TRAK2: variants seen among roughly 807,000 people sequenced by gnomAD.
The protein encoded by TRAK2 is trafficking kinesin-binding protein 2.
A neutral mutation model predicts 104.6 loss-of-function variants in TRAK2; 81 were observed. The ratio of observed to expected loss-of-function variants is 0.77; its 90% CI spans 0.65 to 0.93. TRAK2 has a LOEUF of 0.93. TRAK2 is among the 40% of genes least tolerant of loss of function. The pLI, the probability that TRAK2 is intolerant of heterozygous loss-of-function variation, is 0.00. For missense variants in TRAK2, 1,002 were observed against 1,089.0 expected (o/e 0.92, Z 1.12); for synonymous variants, 406 against 394.4 (o/e 1.03, Z -0.35).
Position 201,380,746 on chromosome 2 carries a change from T to C in TRAK2, c.2542A>G (p.Lys848Glu). 3.1e-6 allele frequency: 5 copies of C among 1,614,118 alleles called. No individual in the cohort carries two copies. The highest frequency in any genetic ancestry group is 1.7e-4 in the Middle Eastern group (1 of 6,060). The change falls in exon 16 of 16, where the codon AAG becomes GAG. Residue 848 changes from lysine to glutamate, a missense_variant. Coordinates refer to ENST00000332624, the MANE Select transcript of TRAK2 (RefSeq NM_015049.3). ...LKRLGIARVV[K>E]NPGAQENGRC... is the part of the protein sequence containing the mutation. The stretch of plus-strand genomic sequence containing the variant: ...CCATTCTCTTGGGCACCAGGGTTCT[T>C]GACCACTCTGGCTATCCCCAGTCTC...
chr2:201,440,376 G>A (rs1168754217), intron 1 of TRAK2, among the ~76,000 whole-genome samples: 2 of 152,158 alleles, frequency 1.3e-5, no homozygotes, highest in South Asian at 2.1e-4. Flanking sequence ...CCCATAAGGT[G>A]TCTGTTTGAC....
At chr2:201,400,885 C>A in intron 4 of TRAK2, 133 bp downstream of exon 4, 1 of 538,556 alleles carries the variant, frequency 1.9e-6, no homozygotes, top group Non-Finnish European at 3.3e-6. Context: ...GTCAGTTGTT[C>A]CAGTAGCAAC....
intron 1 of TRAK2, among the ~76,000 whole-genome samples, chr2:201,444,629 C>T (rs2125664099): frequency 6.7e-6 from 1 of 150,060 alleles, no homozygotes; most frequent in Non-Finnish European, 1.5e-5. Context: ...TATAATTTCA[C>T]ATAAATTGTA....
At chr2:201,399,575 T>TA (rs374743272) in intron 4 of TRAK2, 82 bp from the exon 5 acceptor site, 18 of 1,024,722 alleles carry the variant, frequency 1.8e-5, no homozygotes, top group Non-Finnish European at 2.6e-5. Flanking sequence ...TCAGTTTTGG[T>TA]AAAATCAAAA....
intron 2 of TRAK2, chr2:201,412,880 T>G (rs1295386051): frequency 1.3e-6 from 1 of 797,530 alleles, no homozygotes. Flanking sequence ...TTATAATCCT[T>G]AATGTCTGGA....
Position 201,447,942 on chromosome 2 carries a change from T to C in TRAK2, c.-200+3408A>G, listed in dbSNP as rs1559457534. Among the ~76,000 whole-genome samples, 5 of 152,366 alleles carry C rather than the reference T, an allele frequency of 3.3e-5. No homozygotes were observed. The highest frequency in any genetic ancestry group is 1.9e-4 in the East Asian group (1 of 5,196). On this transcript the variant is annotated intron_variant, in intron 1 of 15. Coordinates refer to ENST00000332624, the MANE Select transcript of TRAK2 (RefSeq NM_015049.3). The surrounding 1 kb of genome is among the most constrained non-coding windows in gnomAD (Gnocchi z 4.1). ...CCATTGCTCAACACACTATGTTAAT[T>C]GTCTCTTTCCTTCTTCAAACTACAT...
intron 1 of TRAK2, among the ~76,000 whole-genome samples, chr2:201,421,308 T>C (rs746192796): frequency 2.0e-5 from 3 of 152,102 alleles, no homozygotes; most frequent in Non-Finnish European, 2.9e-5. Context: ...CTGTGATAAG[T>C]TAAAGAAGTA....
Position 201,381,212 on chromosome 2 carries a change from C to A in TRAK2, c.2076G>T (p.Gly692=), listed in dbSNP as rs1216540090. The A allele has an allele frequency of 6.5e-7, 1 of 1,546,614 alleles. No individual in the cohort carries two copies. The highest frequency in any genetic ancestry group is 8.7e-7 in the Non-Finnish European group (1 of 1,148,000). Residue 692 remains glycine (G), a synonymous_variant, in exon 16 of 16, where the codon GGG becomes GGT. Coordinates refer to ENST00000332624, the MANE Select transcript of TRAK2 (RefSeq NM_015049.3). The part of the protein sequence containing the change: ...SDITQVTPSS[G]FPSLSCGSSG... ...TACTTCCACAGGATAATGAAGGGAA[C>A]CCAGAGCTTAAAAAAAAAAAAAAAA...
At position 201,397,947 on chromosome 2, in the gene TRAK2, G is replaced by A. The variant is rs886587675; in HGVS notation, c.690+198C>T. 1.6e-5 allele frequency: 9 copies of A among 558,620 alleles called. No individual in the cohort carries two copies. The African/African-American group carries it at 1.8e-4, about 11-fold the overall frequency. The allele number at this position is 558,620 out of a possible 1,614,324, so 34.6% of individuals were successfully genotyped here. ...ATCCTGTGACTTTCACTATTGTACT[G>A]TCAACCTGCTACTATCCACTTTTCA... On this transcript the variant is annotated intron_variant, in intron 6 of 15. Transcript: ENST00000332624.
intron 1 of TRAK2, among the ~76,000 whole-genome samples, chr2:201,424,953 C>T (rs535076620): frequency 1.3e-5 from 2 of 152,174 alleles, no homozygotes; most frequent in Non-Finnish European, 2.9e-5. Flanking sequence ...GATTTTTATA[C>T]TTTCAAATGG....
intron 2 of TRAK2, among the ~76,000 whole-genome samples, chr2:201,417,617 A>C (rs1024967581): frequency 1.2e-4 from 19 of 152,328 alleles, no homozygotes; most frequent in African/African-American, 4.3e-4. Flanking sequence ...TTGTCAAGAG[A>C]CTTAATGGTC....
At chr2:201,411,966 C>T (rs1951651078) in intron 2 of TRAK2, 5 of 952,564 alleles carry the variant, frequency 5.2e-6, no homozygotes. Context: ...GCTCTGTAAA[C>T]CATGGGTAGA....
chr2:201,377,808 A>G lies in TRAK2; in HGVS notation c.*2735T>C, dbSNP rs986853672. ...AACTTTTAATTCTGAGCTCGGGAAG[A>G]TATTTCTCCTATTAGACAATAGGAC... On this transcript the variant is annotated 3_prime_UTR_variant, in exon 16 of 16. Transcript: ENST00000332624. 1 of 152,488 alleles carries G rather than the reference A, an allele frequency of 6.6e-6. No homozygotes were observed. The highest frequency in any genetic ancestry group is 2.4e-5 in the African/African-American group (1 of 41,390). The allele number at this position is 152,488 out of a possible 1,614,324, so 9.4% of individuals were successfully genotyped here. A position where few individuals can be genotyped will look rare whatever the true frequency, so the allele number is the denominator to read the frequency against.
rs552571182 is a variant in TRAK2 at position 201,379,158 on chromosome 2, A to G, written c.*1385T>C. On this transcript the variant is annotated 3_prime_UTR_variant, in exon 16 of 16. Transcript: ENST00000332624. ...TTTCTGAACTGCGTGCTGTCTAGAC[A>G]AAGCCACGTCATCTGATGAGAAGCA... The G allele has an allele frequency of 4.6e-5, 7 of 152,348 alleles. No homozygotes were observed. Among genetic ancestry groups the G allele is most frequent in the African/African-American group, 1.2e-4 (5 of 41,576 alleles). 9.4% of individuals were successfully genotyped at this position (152,348 alleles called of 1,614,324 possible).
chr2:201,395,077 T>C lies in TRAK2; in HGVS notation c.901-205A>G, dbSNP rs1000114899. The C allele has an allele frequency of 4.9e-6, 3 of 608,188 alleles. No homozygotes were observed. In the African/African-American group the frequency reaches 5.6e-5, roughly 11 times the overall value. 37.7% of individuals were successfully genotyped at this position (608,188 alleles called of 1,614,324 possible). ...GAGGACAATGGGCATGAGTCAATAATTTACACCACTTTCTGAGGAAGCACT... is the reference window on the plus strand; with the variant it reads ...GAGGACAATGGGCATGAGTCAATAACTTACACCACTTTCTGAGGAAGCACT... On this transcript the variant is annotated intron_variant, in intron 8 of 15. Transcript: ENST00000332624.
intron 3 of TRAK2, among the ~76,000 whole-genome samples, chr2:201,404,821 G>A (rs1951579677): frequency 6.6e-6 from 1 of 152,200 alleles, no homozygotes; most frequent in Non-Finnish European, 1.5e-5. Context: ...ACATGGCATA[G>A]TAAAAGCTAC....
intron 7 of TRAK2, among the ~76,000 whole-genome samples, chr2:201,397,215 A>T (rs1315721933): frequency 6.6e-6 from 1 of 152,176 alleles, no homozygotes; most frequent in African/African-American, 2.4e-5. Flanking sequence ...TTTCCTCATC[A>T]ACAATATGAG....
intron 15 of TRAK2, among the ~76,000 whole-genome samples, chr2:201,381,748 T>C (rs1399598958): frequency 4.3e-5 from 6 of 138,344 alleles, no homozygotes; most frequent in African/African-American, 1.3e-4. Flanking sequence ...TTTTAATCTT[T>C]TAATTTTATT....
chr2:201,393,092 C>A (rs778885391), intron 9 of TRAK2, 46 bp from the exon 10 acceptor site: 1 of 1,541,568 alleles, frequency 6.5e-7, no homozygotes, highest in Admixed American at 2.1e-5. Context: ...CCCAAAACAA[C>A]ATTAGGGAAA....
Sources: allele counts gnomAD v4.1 joint callset (sites outside exome capture counted in the v4.1 genomes callset), GRCh38; gene constraint gnomAD v4.1.1; non-coding constraint Gnocchi (gnomAD v3.1); transcripts MANE v1.5; gene names NCBI Gene and HGNC (gene_info 2026-07-23, HGNC 2026-07-21).